Variants in AKAP6 observed in about 807,000 individuals in gnomAD.
AKAP6 encodes the protein A-kinase anchoring protein 6.
Under a neutral mutation model 188.5 loss-of-function variants are expected in AKAP6, and 58 were observed. The observed-to-expected ratio is 0.31, with a 90% CI of 0.25 to 0.38. The LOEUF is 0.38. Among genes scored for constraint, AKAP6 ranks in the 10% least tolerant of loss-of-function variants. The pLI is 1.00. For synonymous variants in AKAP6, 989 were observed against 998.6 expected (o/e 0.99, Z 0.18); for missense variants, 2,710 against 2,740.0 (o/e 0.99, Z 0.24).
intron 1 of AKAP6, among the ~76,000 whole-genome samples, chr14:32,413,367 A>G (rs1023663482): frequency 1.1e-4 from 16 of 151,774 alleles, no homozygotes; most frequent in African/African-American, 3.9e-4. Flanking sequence ...AATTGTTTGT[A>G]GCAATGGGTC....
chr14:32,644,376 G>C (rs753537654), intron 7 of AKAP6, among the ~76,000 whole-genome samples: 1 of 152,140 alleles, frequency 6.6e-6, no homozygotes, highest in African/African-American at 2.4e-5. Context: ...GCTAGCATCA[G>C]AGAGGAAAGC....
intron 2 of AKAP6, among the ~76,000 whole-genome samples, chr14:32,498,872 T>G (rs1425902331): frequency 1.3e-5 from 2 of 152,156 alleles, no homozygotes; most frequent in African/African-American, 4.8e-5. Flanking sequence ...GCAATTAATT[T>G]GTAATCTATA....
intron 4 of AKAP6, among the ~76,000 whole-genome samples, chr14:32,553,896 C>A (rs1883586001): frequency 6.6e-6 from 1 of 152,176 alleles, no homozygotes; most frequent in African/African-American, 2.4e-5. Context: ...TGCTCAACAC[C>A]TACGGGAACT....
intron 12 of AKAP6, among the ~76,000 whole-genome samples, chr14:32,776,651 A>G (rs147322051): frequency 3.0e-4 from 46 of 152,316 alleles, no homozygotes; most frequent in African/African-American, 1.0e-3. Context: ...ATTTTGTTTC[A>G]TTCTGGCATT....
At chr14:32,436,149 T>G (rs958635701) in intron 2 of AKAP6, among the ~76,000 whole-genome samples, 2 of 152,200 alleles carry the variant, frequency 1.3e-5, no homozygotes, top group Non-Finnish European at 2.9e-5. Flanking sequence ...CATCTTAACT[T>G]GGCTCCTACT....
chr14:32,504,765 C>A (rs1466848108), intron 2 of AKAP6, among the ~76,000 whole-genome samples: 1 of 152,136 alleles, frequency 6.6e-6, no homozygotes, highest in Non-Finnish European at 1.5e-5. Flanking sequence ...TATTTTGTCA[C>A]AATAAACAAC....
chr14:32,733,870 A>T lies in AKAP6; in HGVS notation c.3147+1270A>T, dbSNP rs142992655. Reference sequence around the variant, plus strand: ...GTTTACTACATAGATAAGAATGGCAACCTTATGTGCTTGATAAAGTAGCGA... The same window carrying T: ...GTTTACTACATAGATAAGAATGGCATCCTTATGTGCTTGATAAAGTAGCGA... On this transcript the variant is annotated intron_variant, in intron 10 of 13. Transcript: ENST00000280979. The T allele has an allele frequency of 2.6e-5, 4 of 152,260 alleles. No individual in the cohort carries two copies. In the East Asian group the frequency reaches 7.7e-4, roughly 29 times the overall value. 9.4% of individuals were successfully genotyped at this position (152,260 alleles called of 1,614,324 possible). A position where few individuals can be genotyped will look rare whatever the true frequency, so the allele number is the denominator to read the frequency against.
chr14:32,686,634 A>T (rs770113316), intron 8 of AKAP6, among the ~76,000 whole-genome samples: 20 of 152,136 alleles, frequency 1.3e-4, no homozygotes, highest in Non-Finnish European at 2.6e-4. Flanking sequence ...TAGAAGAGGG[A>T]TATGTAGAGG....
chr14:32,505,569 G>A (rs77936060), intron 2 of AKAP6, among the ~76,000 whole-genome samples: 9,958 of 152,114 alleles, frequency 0.065, 394 homozygotes, highest in Admixed American at 0.11. Context: ...AGCCATATTG[G>A]AGCCTAAGCC....
intron 11 of AKAP6, among the ~76,000 whole-genome samples, chr14:32,770,584 C>G (rs891906631): frequency 1.3e-5 from 2 of 152,188 alleles, no homozygotes; most frequent in Admixed American, 1.3e-4. Flanking sequence ...ACACACCAGG[C>G]ACTCCCACTG....
chr14:32,608,358 A>G (rs73259181), intron 7 of AKAP6, among the ~76,000 whole-genome samples: 3,835 of 151,962 alleles, frequency 0.025, 141 homozygotes, highest in African/African-American at 0.086. Context: ...AAATTAGCCA[A>G]GTGTCATGGT....
chr14:32,807,593 G>T (rs2034122728), intron 12 of AKAP6, among the ~76,000 whole-genome samples: 1 of 152,148 alleles, frequency 6.6e-6, no homozygotes, highest in Non-Finnish European at 1.5e-5. Flanking sequence ...ATTTTCATGA[G>T]ACTCTGTGAG....
At chr14:32,519,475 A>G (rs1487279410) in intron 2 of AKAP6, among the ~76,000 whole-genome samples, 36 of 152,030 alleles carry the variant, frequency 2.4e-4, no homozygotes, top group Admixed American at 2.4e-3. Context: ...ACACACAAAA[A>G]CTCAAAATAA....
intron 12 of AKAP6, among the ~76,000 whole-genome samples, chr14:32,811,178 G>T (rs762062533): frequency 2.9e-4 from 42 of 146,988 alleles, no homozygotes; most frequent in Non-Finnish European, 5.6e-4. Flanking sequence ...GGCGCAGCTT[G>T]CAGTGAGCCG....
intron 7 of AKAP6, among the ~76,000 whole-genome samples, chr14:32,641,607 A>G (rs769246334): frequency 3.9e-5 from 6 of 152,186 alleles, no homozygotes; most frequent in African/African-American, 7.2e-5. Context: ...AACAGAAACA[A>G]TGGCTTCCAG....
chr14:32,806,965 A>G (rs2034104179), intron 12 of AKAP6, among the ~76,000 whole-genome samples: 2 of 150,228 alleles, frequency 1.3e-5, no homozygotes, highest in African/African-American at 4.9e-5. Context: ...GAGGTGGGAG[A>G]CTCGTTTGAA....
intron 2 of AKAP6, among the ~76,000 whole-genome samples, chr14:32,458,590 AT>A (rs1378204378): frequency 1.3e-5 from 2 of 152,142 alleles, no homozygotes; most frequent in African/African-American, 4.8e-5. Context: ...CAAAGTTATT[AT>A]TTTTTACAAA....
intron 1 of AKAP6, among the ~76,000 whole-genome samples, chr14:32,424,104 A>G (rs1889950967): frequency 6.6e-6 from 1 of 152,160 alleles, no homozygotes; most frequent in Non-Finnish European, 1.5e-5. Context: ...ATCCTCTCAT[A>G]ATGCTGATTT....
chr14:32,358,754 G>A (rs1235156154), intron 1 of AKAP6, among the ~76,000 whole-genome samples: 2 of 152,156 alleles, frequency 1.3e-5, no homozygotes, highest in Non-Finnish European at 2.9e-5. Context: ...AAAACGATGA[G>A]ATGTAAGTCA....
Sources: allele counts gnomAD v4.1 joint callset (sites outside exome capture counted in the v4.1 genomes callset), GRCh38; gene constraint gnomAD v4.1.1; transcripts MANE v1.5; gene names NCBI Gene and HGNC (gene_info 2026-07-23, HGNC 2026-07-21).